The following KCNK2 variants were observed in gnomAD, a reference collection of about 807,000 sequenced individuals.
KCNK2 encodes potassium two pore domain channel subfamily K member 2.
A neutral mutation model predicts 40.5 loss-of-function variants in KCNK2; 21 were observed. The ratio of observed to expected loss-of-function variants is 0.52; its 90% CI spans 0.37 to 0.75. The LOEUF is 0.75. KCNK2 is among the 30% of genes least tolerant of loss of function. The pLI is 0.00. For missense variants in KCNK2, 399 were observed against 531.6 expected (o/e 0.75, Z 2.45); for synonymous variants, 191 against 202.2 (o/e 0.94, Z 0.47).
At chr1:215,232,290 C>G (rs74142681) in intron 6 of KCNK2, among the ~76,000 whole-genome samples, 2 of 152,032 alleles carry the variant, frequency 1.3e-5, no homozygotes, top group Non-Finnish European at 2.9e-5. Flanking sequence ...ATAATGAGTA[C>G]TAACATGATA....
intron 6 of KCNK2, among the ~76,000 whole-genome samples, chr1:215,219,757 A>C (rs1458583620): frequency 6.6e-6 from 1 of 152,184 alleles, no homozygotes; most frequent in Admixed American, 6.6e-5. Flanking sequence ...ATTTATGTGA[A>C]TACAGACTCA....
rs1447270634 is a variant in KCNK2, at chr1:215,007,063, G to GTGTGTGTATATATA, written c.34+1115_34+1116insATATATATGTGTGT. Among the ~76,000 whole-genome samples the GTGTGTGTATATATA allele has an allele frequency of 7.3e-4, 93 of 127,882 alleles. 2 individuals are homozygous for GTGTGTGTATATATA. Among genetic ancestry groups the GTGTGTGTATATATA allele is most frequent in the Middle Eastern group, 4.0e-3 (1 of 248 alleles). The allele number at this position is 127,882 out of a possible 152,430, so 83.9% of individuals were successfully genotyped here. On this transcript the variant is annotated intron_variant, in intron 1 of 6. Coordinates refer to the KCNK2 transcript ENST00000391895. ...TGTGTGTGTGTGTATATATATATGTGTGTGTGTGTATATATATATGTGTGT... is the reference window on the plus strand; with the variant it reads ...TGTGTGTGTGTGTATATATATATGTGTGTGTGTATATATATGTGTGTGTATATATATATGTGTGT...
chr1:215,208,594 A>C (rs1246513606), intron 6 of KCNK2, among the ~76,000 whole-genome samples: 1 of 152,158 alleles, frequency 6.6e-6, no homozygotes, highest in Non-Finnish European at 1.5e-5. Flanking sequence ...TGCTATTTTC[A>C]TAAGCTCCCG....
rs537419257 is a variant in KCNK2 at position 215,134,757 on chromosome 1, C to A, written c.475+10007C>A. On this transcript the variant is annotated intron_variant, in intron 3 of 6. Transcript: ENST00000444842. ...AGATGCTCCTATCACCCAGGAAATT[C>A]TAAGGGATTGGAGCTCTGTGTCAAG... 1.2e-3 allele frequency among the ~76,000 whole-genome samples: 179 copies of A among 152,108 alleles called. 1 individual carries two copies. Among genetic ancestry groups the A allele is most frequent in the Non-Finnish European group, 1.9e-3 (130 of 67,986 alleles).
intron 2 of KCNK2, among the ~76,000 whole-genome samples, chr1:215,115,733 T>C (rs1168170032): frequency 6.6e-6 from 1 of 152,010 alleles, no homozygotes; most frequent in Non-Finnish European, 1.5e-5. Context: ...TTCCTTTTTT[T>C]TTTAAAAAAA....
chr1:215,128,051 A>G (rs936957249), intron 3 of KCNK2, among the ~76,000 whole-genome samples: 3 of 152,214 alleles, frequency 2.0e-5, no homozygotes, highest in African/African-American at 7.2e-5. Flanking sequence ...CATTTACAAT[A>G]CAGTGTGCCA....
intron 1 of KCNK2, among the ~76,000 whole-genome samples, chr1:215,048,473 T>C (rs1657864059): frequency 6.6e-6 from 1 of 152,196 alleles, no homozygotes; most frequent in African/African-American, 2.4e-5. Context: ...AATATATGTC[T>C]AACACCAGCT....
rs143989443 is a variant in KCNK2, at chr1:215,067,314, A to T, written c.35-19054A>T. On this transcript the variant is annotated intron_variant, in intron 1 of 6. Transcript: ENST00000391895. ...TTATCAATTTAAAAAATTACATGAT[A>T]TATATAATTTTTTAAAAAAGTCTCT... Among the ~76,000 whole-genome samples the T allele has an allele frequency of 2.3e-3, 357 of 152,270 alleles. 2 individuals are homozygous for T. Among genetic ancestry groups the T allele is most frequent in the African/African-American group, 8.2e-3 (339 of 41,560 alleles).
intron 3 of KCNK2, among the ~76,000 whole-genome samples, chr1:215,168,863 CA>C (rs1399296606): frequency 6.7e-6 from 1 of 149,298 alleles, no homozygotes; most frequent in African/African-American, 2.5e-5. Flanking sequence ...GAACTTAAAG[CA>C]AAAAAAGAAA....
intron 1 of KCNK2, among the ~76,000 whole-genome samples, chr1:215,023,286 G>C (rs1024946339): frequency 6.6e-6 from 1 of 151,950 alleles, no homozygotes; most frequent in African/African-American, 2.4e-5. Flanking sequence ...AGCTCTTTGG[G>C]CTCAGGCCAG....
chr1:215,203,810 G>A (rs1005633283), intron 6 of KCNK2, among the ~76,000 whole-genome samples: 10 of 151,696 alleles, frequency 6.6e-5, no homozygotes, highest in African/African-American at 2.4e-4. Context: ...AGGCCGAGAT[G>A]GGCAGATCAC....
chr1:215,010,876 G>T (rs1434598239), intron 1 of KCNK2, among the ~76,000 whole-genome samples: 1,598 of 132,848 alleles, frequency 0.012, 25 homozygotes, highest in African/African-American at 0.039. Context: ...TTTTGTGTGT[G>T]TGTGTGTGTG....
At chr1:215,185,037 A>G (rs1029176877) in intron 5 of KCNK2, among the ~76,000 whole-genome samples, 6 of 152,306 alleles carry the variant, frequency 3.9e-5, no homozygotes, top group Middle Eastern at 3.4e-3. Flanking sequence ...ATAGGAGAAT[A>G]GGAGAATGAT....
At chr1:215,230,116 CACACACACA>C (rs1666571761) in intron 6 of KCNK2, among the ~76,000 whole-genome samples, 1 of 147,504 alleles carries the variant, frequency 6.8e-6, no homozygotes, top group Non-Finnish European at 1.5e-5. Context: ...CACACACACA[CACACACACA>C]CACACGGTCA....
intron 5 of KCNK2, among the ~76,000 whole-genome samples, chr1:215,174,691 C>A (rs1003694601): frequency 2.0e-5 from 3 of 152,084 alleles, no homozygotes; most frequent in Non-Finnish European, 4.4e-5. Flanking sequence ...CTTCACATCC[C>A]TTGTAAGTTG....
At chr1:215,085,757 A>G (rs1229068148) in intron 1 of KCNK2, among the ~76,000 whole-genome samples, 1 of 152,222 alleles carries the variant, frequency 6.6e-6, no homozygotes, top group African/African-American at 2.4e-5. Flanking sequence ...AGGACAGGCA[A>G]AAAGACAAGA....
intron 2 of KCNK2, among the ~76,000 whole-genome samples, chr1:215,123,976 TGTAATATTGCTG>T (rs778150044): frequency 3.3e-5 from 5 of 152,202 alleles, no homozygotes; most frequent in Non-Finnish European, 7.4e-5. Flanking sequence ...GTGGTCTCTA[TGTAATATTGCTG>T]GCAGATTGTC....
At chr1:215,084,782 C>T (rs1659358553) in intron 1 of KCNK2, among the ~76,000 whole-genome samples, 1 of 152,148 alleles carries the variant, frequency 6.6e-6, no homozygotes, top group African/African-American at 2.4e-5. Context: ...CTGTAATAAG[C>T]TATATGTACA....
intron 2 of KCNK2, among the ~76,000 whole-genome samples, chr1:215,110,329 T>C (rs1202180674): frequency 6.6e-6 from 1 of 152,048 alleles, no homozygotes; most frequent in Non-Finnish European, 1.5e-5. Context: ...TTTCTTCTAG[T>C]AGTTTTATAA....
Sources: allele counts gnomAD v4.1 joint callset (sites outside exome capture counted in the v4.1 genomes callset), GRCh38; gene constraint gnomAD v4.1.1; transcripts MANE v1.5; gene names NCBI Gene and HGNC (gene_info 2026-07-23, HGNC 2026-07-21).